The following CNKSR2 variants were observed in gnomAD, a reference collection of about 807,000 sequenced individuals.
CNKSR2 encodes CNK homolog protein 2.
A neutral mutation model predicts 84.4 loss-of-function variants in CNKSR2; 14 were observed. The observed-to-expected ratio is 0.17, with a 90% CI of 0.11 to 0.26. The LOEUF (loss-of-function observed/expected upper bound fraction) is 0.26, where lower values mean the gene tolerates loss of function less well. Ranked by LOEUF, CNKSR2 falls within the 10% of genes least tolerant of loss-of-function variation. The probability of loss-of-function intolerance (pLI) is 1.00; values close to 1 mark genes in which losing one functional copy is unlikely to be tolerated. For synonymous variants in CNKSR2, 275 were observed against 277.9 expected, an observed-to-expected ratio of 0.99 and a Z score of 0.10; for missense variants, 485 against 771.2, an observed-to-expected ratio of 0.63 and a Z score of 4.40.
intron 11 of CNKSR2, among the ~76,000 whole-genome samples, chrX:21,550,233 G>A (rs12116081): frequency 0.15 from 16,657 of 109,985 alleles, 2,941 homozygotes; most frequent in African/African-American, 0.51. Context: ...CAAGAAAACA[G>A]CCCCATCAAA....
intron 20 of CNKSR2, among the ~76,000 whole-genome samples, chrX:21,625,137 G>A (rs2092617659): frequency 8.9e-6 from 1 of 112,292 alleles, no homozygotes; most frequent in Non-Finnish European, 1.9e-5. Flanking sequence ...TAAAATAAAT[G>A]CACATCGTAT....
chrX:21,394,465 G>A (rs994676843), intron 1 of CNKSR2, among the ~76,000 whole-genome samples: 1 of 111,368 alleles, frequency 9.0e-6, no homozygotes, highest in African/African-American at 3.3e-5. Context: ...GTTTCTCTTC[G>A]AGTCAATGTT....
At chrX:21,391,810 C>G (rs913815269) in intron 1 of CNKSR2, among the ~76,000 whole-genome samples, 5 of 112,195 alleles carry the variant, frequency 4.5e-5, no homozygotes, top group Admixed American at 9.4e-5. Context: ...GATTTCTGAA[C>G]TTTTATGCTC....
intron 20 of CNKSR2, chrX:21,642,591 A>T (rs2092695213): frequency 1.4e-6 from 1 of 740,704 alleles, no homozygotes; most frequent in South Asian, 6.9e-5. Flanking sequence ...ATGATATTTC[A>T]TACTGTGCAA....
chrX:21,585,599 GA>G (rs1317216354), intron 13 of CNKSR2, among the ~76,000 whole-genome samples: 1 of 110,442 alleles, frequency 9.1e-6, no homozygotes, highest in African/African-American at 3.3e-5. Context: ...AGATATAGAA[GA>G]GTAGGAAAGA....
At chrX:21,507,754 A>C (rs2091628157) in intron 8 of CNKSR2, among the ~76,000 whole-genome samples, 1 of 111,444 alleles carries the variant, frequency 9.0e-6, no homozygotes, top group South Asian at 3.7e-4. Flanking sequence ...TTGCTTTTTA[A>C]TTTTGTCATT....
At chrX:21,590,722 T>C (rs1338888308) in intron 14 of CNKSR2, 102 bp downstream of exon 14, 11 of 857,771 alleles carry the variant, frequency 1.3e-5, no homozygotes, top group Non-Finnish European at 1.8e-5. Flanking sequence ...CAGTGTGGTT[T>C]AGAAGAGCAC....
intron 4 of CNKSR2, 123 bp from the exon 5 acceptor site, chrX:21,470,643 C>T: frequency 5.9e-6 from 2 of 336,745 alleles, no homozygotes; most frequent in Non-Finnish European, 1.0e-5. Flanking sequence ...TAGATTTTTC[C>T]TGTTATTATT....
chrX:21,635,657 C>G (rs1435985795), intron 20 of CNKSR2, among the ~76,000 whole-genome samples: 1 of 109,122 alleles, frequency 9.2e-6, no homozygotes, highest in Non-Finnish European at 1.9e-5. Flanking sequence ...AGAAGCTGAG[C>G]AGTAAAAGTA....
chrX:21,592,105 G>A (rs914045957), intron 15 of CNKSR2: 2 of 111,710 alleles, frequency 1.8e-5, no homozygotes, highest in African/African-American at 6.5e-5. Flanking sequence ...ATAATTTTAT[G>A]TTCCCTAGAC....
intron 1 of CNKSR2, among the ~76,000 whole-genome samples, chrX:21,384,931 A>G (rs2146952203): frequency 8.9e-6 from 1 of 111,826 alleles, no homozygotes; most frequent in East Asian, 2.8e-4. Flanking sequence ...ACCTTTTTAT[A>G]GGTAAAGTAC....
At chrX:21,621,636 A>C in intron 20 of CNKSR2, among the ~76,000 whole-genome samples, 1 of 110,883 alleles carries the variant, frequency 9.0e-6, no homozygotes, top group Non-Finnish European at 1.9e-5. Context: ...CAGTCATTCA[A>C]AGTCTTTATA....
At chrX:21,508,788 C>T (rs768506208) in intron 8 of CNKSR2, among the ~76,000 whole-genome samples, 1 of 112,211 alleles carries the variant, frequency 8.9e-6, no homozygotes, top group South Asian at 3.7e-4. Flanking sequence ...TGATAGGTTA[C>T]AGGAGATAGT....
intron 6 of CNKSR2, among the ~76,000 whole-genome samples, chrX:21,496,485 A>G (rs951069401): frequency 3.6e-5 from 4 of 111,697 alleles, no homozygotes; most frequent in Non-Finnish European, 7.5e-5. Flanking sequence ...ATATAAAGTG[A>G]TAAGCATTCA....
rs765761105 is a variant in CNKSR2 at position 21,391,395 on chromosome X, C to T, written c.64+16434C>T. The stretch of plus-strand genomic sequence containing the variant: ...CCTCTGAAATCTAGGCAGAGGCTCC[C>T]AAGCCTCAACTCTTACCCTCTATGC... On this transcript the variant is annotated intron_variant, in intron 1 of 21. Transcript: ENST00000379510. Among the ~76,000 whole-genome samples, 11 of 112,469 alleles carry T rather than the reference C, an allele frequency of 9.8e-5. No homozygotes were observed. The East Asian group carries it at 3.1e-3, about 31-fold the overall frequency.
intron 1 of CNKSR2, 141 bp from the exon 2 acceptor site, chrX:21,426,356 G>T: frequency 2.0e-6 from 1 of 497,272 alleles, no homozygotes. Flanking sequence ...GTTAAGAAAG[G>T]GCGAAGGATT....
At chrX:21,581,956 G>A (rs757219376) in intron 13 of CNKSR2, among the ~76,000 whole-genome samples, 3 of 111,839 alleles carry the variant, frequency 2.7e-5, no homozygotes, top group South Asian at 3.7e-4. Flanking sequence ...TAAAGAATTA[G>A]TCAAAAGGCA....
At chrX:21,591,655 G>T (rs1486264004) in intron 15 of CNKSR2, 3 of 109,082 alleles carry the variant, frequency 2.8e-5, no homozygotes, top group Non-Finnish European at 5.7e-5. Context: ...CTTTAAAAAT[G>T]ATCTAGTAGA....
intron 5 of CNKSR2, among the ~76,000 whole-genome samples, chrX:21,482,383 A>G (rs868012419): frequency 9.0e-6 from 1 of 111,450 alleles, no homozygotes; most frequent in Non-Finnish European, 1.9e-5. Flanking sequence ...TTGTTGTGTG[A>G]CACTTAACCT....
Sources: allele counts gnomAD v4.1 joint callset (sites outside exome capture counted in the v4.1 genomes callset), GRCh38; gene constraint gnomAD v4.1.1; transcripts MANE v1.5; gene names NCBI Gene and HGNC (gene_info 2026-07-23, HGNC 2026-07-21).